MARCHF1: variants seen among roughly 807,000 people sequenced by gnomAD.
The protein encoded by MARCHF1 is E3 ubiquitin-protein ligase MARCHF1.
Under a neutral mutation model 54.2 loss-of-function variants are expected in MARCHF1, and 40 were observed. That is an observed-to-expected ratio of 0.74 (90% CI 0.57 to 0.96). The LOEUF (loss-of-function observed/expected upper bound fraction) is 0.96, where lower values mean the gene tolerates loss of function less well. Among genes scored for constraint, MARCHF1 ranks in the 40% least tolerant of loss-of-function variants. The probability of loss-of-function intolerance (pLI) is 0.00; values close to 1 mark genes in which losing one functional copy is unlikely to be tolerated. For synonymous variants in MARCHF1, 236 were observed against 236.3 expected (o/e 1.00, Z 0.01); for missense variants, 586 against 656.5 (o/e 0.89, Z 1.17).
In MARCHF1 at chr4:164,319,898, TA is replaced by T. The variant is rs368813212; in HGVS notation, c.-323+63971del. Reference sequence around the variant, plus strand: ...CACAGAGAATGGCAGAGAACAAATGTAAAATGAGCAACATAATAAACCCCTA... The same window carrying T: ...CACAGAGAATGGCAGAGAACAAATGTAAATGAGCAACATAATAAACCCCTA... On this transcript the variant is annotated intron_variant, in intron 1 of 9. Transcript: ENST00000514618. 1.8e-3 allele frequency among the ~76,000 whole-genome samples: 278 copies of T among 152,266 alleles called. 2 individuals carry two copies. The highest frequency in any genetic ancestry group is 6.4e-3 in the African/African-American group (266 of 41,550).
At chr4:163,583,844 A>G (rs1740319904) in intron 8 of MARCHF1, 1 of 150,462 alleles carries the variant, frequency 6.6e-6, no homozygotes, top group African/African-American at 2.5e-5. Context: ...TTTTGTAGAG[A>G]CAAGATTTCA....
chr4:164,347,096 T>C (rs548571782), intron 1 of MARCHF1, among the ~76,000 whole-genome samples: 12 of 152,192 alleles, frequency 7.9e-5, no homozygotes, highest in South Asian at 4.1e-4. Flanking sequence ...CCCAAACACA[T>C]TGAACTGAAT....
chr4:164,003,370 CA>C (rs886914966), intron 2 of MARCHF1, among the ~76,000 whole-genome samples: 52 of 152,044 alleles, frequency 3.4e-4, no homozygotes, highest in African/African-American at 1.3e-3. Flanking sequence ...ATGGTATAAA[CA>C]CACCAATTCA....
At chr4:163,879,119 G>A (rs1362305373) in intron 3 of MARCHF1, among the ~76,000 whole-genome samples, 6 of 152,162 alleles carry the variant, frequency 3.9e-5, no homozygotes, top group African/African-American at 1.4e-4. Flanking sequence ...TAAGGCAATC[G>A]TGAAAGAGAC....
At chr4:164,146,178 C>G (rs1399708610) in intron 1 of MARCHF1, among the ~76,000 whole-genome samples, 1 of 144,156 alleles carries the variant, frequency 6.9e-6, no homozygotes, top group Non-Finnish European at 1.5e-5. Flanking sequence ...AAAGAGGATA[C>G]AAACAAATGG....
intron 3 of MARCHF1, among the ~76,000 whole-genome samples, chr4:163,898,321 A>G (rs1211369516): frequency 6.6e-6 from 1 of 152,154 alleles, no homozygotes; most frequent in Non-Finnish European, 1.5e-5. Flanking sequence ...CAAAATCTGC[A>G]AGGAACTCAA....
intron 1 of MARCHF1, among the ~76,000 whole-genome samples, chr4:164,315,792 T>C (rs987276332): frequency 2.0e-5 from 3 of 152,170 alleles, no homozygotes; most frequent in African/African-American, 7.2e-5. Context: ...ATAATAATAA[T>C]CTATTTACAC....
At chr4:164,254,055 C>T (rs577940191) in intron 1 of MARCHF1, among the ~76,000 whole-genome samples, 4 of 152,060 alleles carry the variant, frequency 2.6e-5, no homozygotes, top group Non-Finnish European at 5.9e-5. Context: ...CCTTTGTGGA[C>T]AGAGCAGTTC....
At chr4:164,363,914 A>C (rs1343012276) in intron 1 of MARCHF1, among the ~76,000 whole-genome samples, 1 of 152,114 alleles carries the variant, frequency 6.6e-6, no homozygotes, top group Non-Finnish European at 1.5e-5. Flanking sequence ...TAGGGTTTCA[A>C]ATACAAAAGA....
intron 2 of MARCHF1, among the ~76,000 whole-genome samples, chr4:163,991,104 C>T (rs4311273): frequency 6.6e-6 from 1 of 152,168 alleles, no homozygotes; most frequent in Non-Finnish European, 1.5e-5. Context: ...TTTATCCTAA[C>T]ATTTAAAATA....
chr4:163,900,102 T>C (rs1482175838), intron 3 of MARCHF1, among the ~76,000 whole-genome samples: 2 of 152,154 alleles, frequency 1.3e-5, no homozygotes, highest in Admixed American at 6.5e-5. Context: ...ATCAAGATTT[T>C]ATTTATAATC....
intron 5 of MARCHF1, among the ~76,000 whole-genome samples, chr4:163,666,112 G>A (rs1030018382): frequency 2.6e-5 from 4 of 152,054 alleles, no homozygotes; most frequent in Non-Finnish European, 5.9e-5. Context: ...TCAATAGAAG[G>A]CCCAAGTCAT....
At chr4:164,080,930 C>T (rs1038719783) in intron 2 of MARCHF1, among the ~76,000 whole-genome samples, 3 of 151,432 alleles carry the variant, frequency 2.0e-5, no homozygotes, top group Admixed American at 1.3e-4. Context: ...ATTATTTGGC[C>T]GGGCGTGGTG....
intron 4 of MARCHF1, among the ~76,000 whole-genome samples, chr4:163,747,620 A>C (rs571802542): frequency 6.6e-6 from 1 of 152,334 alleles, no homozygotes; most frequent in East Asian, 1.9e-4. Flanking sequence ...GATTCCTAGA[A>C]AAATGGAACA....
chr4:163,679,108 A>C (rs1744011905), intron 5 of MARCHF1, among the ~76,000 whole-genome samples: 5 of 152,218 alleles, frequency 3.3e-5, no homozygotes, highest in Non-Finnish European at 5.9e-5. Flanking sequence ...TTTGGCTCTC[A>C]AAACATCCAA....
intron 1 of MARCHF1, among the ~76,000 whole-genome samples, chr4:164,200,182 T>C (rs1319152172): frequency 3.3e-5 from 5 of 152,244 alleles, no homozygotes. Flanking sequence ...TATTGTGTAT[T>C]TGGCTCTCCC....
chr4:164,205,442 C>T (rs961234640), intron 1 of MARCHF1, among the ~76,000 whole-genome samples: 8 of 152,158 alleles, frequency 5.3e-5, no homozygotes, highest in Non-Finnish European at 1.0e-4. Context: ...AACTCCAGCG[C>T]AAACTCGCTA....
intron 1 of MARCHF1, among the ~76,000 whole-genome samples, chr4:164,214,914 C>T (rs145566670): frequency 2.0e-5 from 3 of 152,228 alleles, no homozygotes; most frequent in Non-Finnish European, 4.4e-5. Context: ...GGCTGTGGCT[C>T]GCTTCCTCAG....
At chr4:163,828,014 T>TAC (rs748460236) in intron 4 of MARCHF1, among the ~76,000 whole-genome samples, 5,170 of 124,524 alleles carry the variant, frequency 0.042, 107 homozygotes, top group African/African-American at 0.065. Flanking sequence ...TGCGCAGGCA[T>TAC]ACACACACAC....
Sources: allele counts gnomAD v4.1 joint callset (sites outside exome capture counted in the v4.1 genomes callset), GRCh38; gene constraint gnomAD v4.1.1; transcripts MANE v1.5; gene names NCBI Gene and HGNC (gene_info 2026-07-23, HGNC 2026-07-21).